The following ABCA1 variants were observed in gnomAD, a reference collection of about 807,000 sequenced individuals.
ABCA1 encodes the protein phospholipid-transporting ATPase ABCA1.
A neutral mutation model predicts 262.5 loss-of-function variants in ABCA1; 133 were observed. The ratio of observed to expected loss-of-function variants is 0.51; its 90% CI spans 0.44 to 0.59. ABCA1 has a LOEUF of 0.59. Ranked by LOEUF, ABCA1 falls within the 20% of genes least tolerant of loss-of-function variation. The pLI is 0.00. For missense variants in ABCA1, 2,452 were observed against 2,777.5 expected, an observed-to-expected ratio of 0.88 and a Z score of 2.63; for synonymous variants, 1,022 against 1,043.5, an observed-to-expected ratio of 0.98 and a Z score of 0.40.
chr9:104,823,296 T>G (rs1724544622), intron 18 of ABCA1, among the ~76,000 whole-genome samples: 1 of 152,124 alleles, frequency 6.6e-6, no homozygotes, highest in Admixed American at 6.6e-5. Flanking sequence ...AATTCACACA[T>G]GATAAAATTG....
Position 104,791,938 on chromosome 9 carries a change from C to G in ABCA1, c.5818G>C (p.Glu1940Gln), listed in dbSNP as rs1320596855. ...DRICVGIPPGECFGLLGVNGA... is the reference protein window; with the variant it reads ...DRICVGIPPGQCFGLLGVNGA... ...CAATATAGACAAAGTGTCTTTACCT[C>G]ACCAGGAGGAATGCCCACGCAAATC... Residue 1940 changes from glutamate to glutamine, a missense_variant and splice_region_variant, in exon 43 of 50, where the codon GAG becomes CAG. Physicochemically the swap from Glu to Gln is conservative, Grantham distance 29 (BLOSUM62 2). Transcript: ENST00000374736. 6.2e-7 allele frequency: 1 copy of G among 1,613,444 alleles called. No individual in the cohort carries two copies. Among genetic ancestry groups the G allele is most frequent in the Non-Finnish European group, 8.5e-7 (1 of 1,179,658 alleles).
chr9:104,836,110 CT>C (rs1203632309), intron 11 of ABCA1, among the ~76,000 whole-genome samples: 4 of 152,294 alleles, frequency 2.6e-5, no homozygotes, highest in Admixed American at 6.5e-5. Context: ...ACTGTTTATG[CT>C]TTTCTCAGTA....
At chr9:104,822,249 G>T (rs546593142) in intron 19 of ABCA1, among the ~76,000 whole-genome samples, 2 of 152,316 alleles carry the variant, frequency 1.3e-5, no homozygotes, top group African/African-American at 4.8e-5. Flanking sequence ...GACCACTGCA[G>T]AATTCTGTGA....
intron 1 of ABCA1, among the ~76,000 whole-genome samples, chr9:104,904,459 T>G (rs1215252836): frequency 6.6e-6 from 1 of 151,524 alleles, no homozygotes; most frequent in Non-Finnish European, 1.5e-5. Flanking sequence ...TCCCAGCTAC[T>G]TGGGAGGCTG....
In ABCA1 at chr9:104,825,392, G is replaced by C. The variant is rs139529351; in HGVS notation, c.2542+291C>G. On this transcript the variant is annotated intron_variant, in intron 17 of 49. Transcript: ENST00000374736. Reference sequence around the variant, plus strand: ...GTCACAGTTCTCTCATTTGAAAATTGCTGGTTATTATAGTAACTACTTCAG... The same window carrying C: ...GTCACAGTTCTCTCATTTGAAAATTCCTGGTTATTATAGTAACTACTTCAG... Among the ~76,000 whole-genome samples the C allele has an allele frequency of 3.8e-3, 573 of 152,292 alleles. 11 individuals are homozygous for C. The highest frequency in any genetic ancestry group is 0.028 in the East Asian group (144 of 5,174).
At chr9:104,800,913 A>C (rs921917125) in intron 34 of ABCA1, among the ~76,000 whole-genome samples, 2 of 152,114 alleles carry the variant, frequency 1.3e-5, no homozygotes, top group African/African-American at 4.8e-5. Flanking sequence ...GAAGAGCCAG[A>C]ACCACGCTCT....
rs1398110445 is a variant in ABCA1, at chr9:104,817,194, C to T, written c.3535+138G>A. On this transcript the variant is annotated intron_variant, in intron 24 of 49. Coordinates refer to ENST00000374736, the MANE Select transcript of ABCA1 (RefSeq NM_005502.4). The surrounding 1 kb of genome is among the most constrained non-coding windows in gnomAD (Gnocchi z 4.7). The stretch of plus-strand genomic sequence containing the variant: ...CCCGCCACCAAGCTGCTCCCACACC[C>T]GCAGCCACCCAGCCCCAGCCCAGCA... 9.6e-6 allele frequency: 15 copies of T among 1,561,768 alleles called. No homozygotes were observed. The East Asian group carries it at 1.2e-4, about 12-fold the overall frequency.
In ABCA1 at chr9:104,887,369, G is replaced by C. The variant is rs568144289; in HGVS notation, c.160+1733C>G. Among the ~76,000 whole-genome samples the C allele has an allele frequency of 5.9e-5, 9 of 152,310 alleles. No individual in the cohort carries two copies. In the South Asian group the frequency reaches 1.9e-3, roughly 32 times the overall value. On this transcript the variant is annotated intron_variant, in intron 3 of 49. Coordinates refer to ENST00000374736, the MANE Select transcript of ABCA1 (RefSeq NM_005502.4). Reference sequence around the variant, plus strand: ...TTTCAGAACTTTTCTGAAAATTTATGATCTGGAGTCAGAGGAATCTAGGTT... The same window carrying C: ...TTTCAGAACTTTTCTGAAAATTTATCATCTGGAGTCAGAGGAATCTAGGTT...
chr9:104,887,818 G>A (rs1032023706), intron 3 of ABCA1, among the ~76,000 whole-genome samples: 8 of 138,904 alleles, frequency 5.8e-5, no homozygotes, highest in South Asian at 2.4e-4. Context: ...CCTCAGCCTC[G>A]CAGGTTGAAG....
At chr9:104,915,520 G>A (rs1441972784) in intron 1 of ABCA1, among the ~76,000 whole-genome samples, 1 of 152,138 alleles carries the variant, frequency 6.6e-6, no homozygotes, top group Admixed American at 6.5e-5. Flanking sequence ...ACTTAAGGGT[G>A]TTTTTCTTTA....
intron 34 of ABCA1, 121 bp from the exon 35 acceptor site, chr9:104,800,705 C>G: frequency 2.3e-6 from 2 of 869,902 alleles, no homozygotes; most frequent in South Asian, 2.7e-5. Flanking sequence ...ACCTTGTTCA[C>G]TGAAATTAAA....
At chr9:104,863,844 G>A (rs1438826151) in intron 5 of ABCA1, among the ~76,000 whole-genome samples, 1 of 152,174 alleles carries the variant, frequency 6.6e-6, no homozygotes, top group Admixed American at 6.5e-5. Flanking sequence ...TACACTGTTA[G>A]CATTAGGCTC....
At chr9:104,912,633 A>G (rs375105553) in intron 1 of ABCA1, among the ~76,000 whole-genome samples, 2 of 152,170 alleles carry the variant, frequency 1.3e-5, no homozygotes, top group African/African-American at 2.4e-5. Context: ...AAACTCTAAC[A>G]AAATGTTAGA....
In ABCA1 at chr9:104,861,691, G is replaced by C. The variant is rs1836401927; in HGVS notation, c.531C>G (p.Val177=). The change falls in exon 6 of 50, where the codon GTC becomes GTG. Residue 177 remains valine (V), a synonymous_variant. Coordinates refer to ENST00000374736, the MANE Select transcript of ABCA1 (RefSeq NM_005502.4). ...GGCATCAGCTTACCTTGTGGAGAAT[G>C]ACATCAGCCCTCAGCATCTTGTCCA... ...STVDKMLRAD[V]ILHKVFLQGY... is the part of the protein sequence containing the mutation. 6.2e-7 allele frequency: 1 copy of C among 1,614,024 alleles called. No homozygotes were observed. Among genetic ancestry groups the C allele is most frequent in the African/African-American group, 1.3e-5 (1 of 74,918 alleles).
At chr9:104,784,554 G>A (rs896556785) in intron 49 of ABCA1, 99 bp from the exon 50 acceptor site, 36 of 1,400,598 alleles carry the variant, frequency 2.6e-5, no homozygotes, top group Non-Finnish European at 3.6e-5. Flanking sequence ...GGTCAAGTAG[G>A]AGCATACAGA....
Position 104,914,500 on chromosome 9 carries a change from T to TAAA in ABCA1, c.-92-10732_-92-10730dup, listed in dbSNP as rs80006856. On this transcript the variant is annotated intron_variant, in intron 1 of 49. Coordinates refer to ENST00000374736, the MANE Select transcript of ABCA1 (RefSeq NM_005502.4). ...GGACAACAAGAGTGAAACTCCATCT[T>TAAA]AAAAAAAAAAAAAAAGAGAGAAATC... is the stretch of plus-strand genomic sequence containing the variant. Among the ~76,000 whole-genome samples the TAAA allele has an allele frequency of 1.3e-4, 18 of 136,348 alleles. No individual in the cohort carries two copies. The South Asian group carries it at 3.8e-3, about 29-fold the overall frequency. 89.4% of individuals were successfully genotyped at this position (136,348 alleles called of 152,430 possible).
intron 16 of ABCA1, among the ~76,000 whole-genome samples, chr9:104,826,219 T>A (rs1294539790): frequency 6.6e-6 from 1 of 152,204 alleles, no homozygotes; most frequent in African/African-American, 2.4e-5. Context: ...ACCCACAGTC[T>A]TCTGAGGCTC....
chr9:104,910,906 C>A (rs954835406), intron 1 of ABCA1, among the ~76,000 whole-genome samples: 2 of 152,018 alleles, frequency 1.3e-5, no homozygotes, highest in Non-Finnish European at 2.9e-5. Flanking sequence ...AGGGTTTCAA[C>A]ATGTTGGCCA....
intron 1 of ABCA1, among the ~76,000 whole-genome samples, chr9:104,906,127 T>G (rs979419405): frequency 8.5e-5 from 13 of 152,214 alleles, no homozygotes; most frequent in African/African-American, 2.9e-4. Context: ...AACAATATCC[T>G]CTAGCTGAGA....
Sources: gnomAD v4.1 joint callset for allele counts (sites outside exome capture counted in the v4.1 genomes callset) on GRCh38, gnomAD v4.1.1 for gene constraint, Gnocchi (gnomAD v3.1) non-coding constraint, MANE v1.5 for transcripts, NCBI Gene and HGNC (gene_info 2026-07-23, HGNC 2026-07-21) for gene names.